The following SLC24A2 variants were observed in gnomAD, a reference collection of about 807,000 sequenced individuals.
SLC24A2 encodes the protein sodium/potassium/calcium exchanger 2.
SLC24A2 carries 36 observed loss-of-function variants against 62.0 expected under a neutral mutation model. The observed-to-expected ratio is 0.58, with a 90% CI of 0.44 to 0.77. The LOEUF (loss-of-function observed/expected upper bound fraction) is 0.77, where lower values mean the gene tolerates loss of function less well. SLC24A2 is among the 30% of genes least tolerant of loss of function. SLC24A2 has a pLI of 0.00. For missense variants in SLC24A2, 846 were observed against 817.9 expected (o/e 1.03, Z -0.42); for synonymous variants, 358 against 294.0 (o/e 1.22, Z -2.23).
At chr9:20,100,818 T>C in the SLC24A2 span, among the ~76,000 whole-genome samples, 3 of 152,170 alleles carry the variant, frequency 2.0e-5, no homozygotes, top group Non-Finnish European at 2.9e-5. Context: ...AGCTTCTGGT[T>C]TTTTGTTTTG....
the SLC24A2 span, among the ~76,000 whole-genome samples, chr9:19,922,221 T>G: frequency 1.3e-5 from 2 of 152,214 alleles, no homozygotes; most frequent in Non-Finnish European, 2.9e-5. Flanking sequence ...GCCATCTTCC[T>G]AAGTATGAAA....
the SLC24A2 span, among the ~76,000 whole-genome samples, chr9:20,266,233 G>A: frequency 1.3e-5 from 2 of 152,106 alleles, no homozygotes; most frequent in East Asian, 3.8e-4. Flanking sequence ...AAAACTTGCT[G>A]GTTTTGTGGG....
chr9:19,692,206 G>A (rs1244880808), intron 2 of SLC24A2, among the ~76,000 whole-genome samples: 1 of 152,064 alleles, frequency 6.6e-6, no homozygotes, highest in Non-Finnish European at 1.5e-5. Context: ...GGCTTATCAG[G>A]AAACCACATT....
At position 19,756,707 on chromosome 9, in the gene SLC24A2, G is replaced by T. The variant is rs553895075; in HGVS notation, c.930+29230C>A. 3.3e-5 allele frequency among the ~76,000 whole-genome samples: 5 copies of T among 152,142 alleles called. No homozygotes were observed. The South Asian group carries it at 8.3e-4, about 25-fold the overall frequency. On this transcript the variant is annotated intron_variant, in intron 2 of 10. Coordinates refer to ENST00000341998, the MANE Select transcript of SLC24A2 (RefSeq NM_020344.4). Reference sequence around the variant, plus strand: ...ATTCTGGAGCTAAAAACCAGATTTTGTCTGGCTCCATTTCAGACCAGGCTC... The same window carrying T: ...ATTCTGGAGCTAAAAACCAGATTTTTTCTGGCTCCATTTCAGACCAGGCTC...
the SLC24A2 span, among the ~76,000 whole-genome samples, chr9:20,157,738 A>G: frequency 0.01 from 1,540 of 151,686 alleles, 33 homozygotes; most frequent in African/African-American, 0.034. Context: ...GAGAAATAAA[A>G]AGGAAAAATA....
the SLC24A2 span, among the ~76,000 whole-genome samples, chr9:20,142,703 C>T: frequency 2.0e-5 from 3 of 152,208 alleles, no homozygotes; most frequent in Admixed American, 2.0e-4. Context: ...TCAAGAGATT[C>T]TCCTGCCTCA....
chr9:20,189,169 T>C, the SLC24A2 span, among the ~76,000 whole-genome samples: 1 of 151,114 alleles, frequency 6.6e-6, no homozygotes, highest in African/African-American at 2.4e-5. Flanking sequence ...AAGCAAGAAG[T>C]TGGTTCGATC....
chr9:19,950,624 T>C, the SLC24A2 span, among the ~76,000 whole-genome samples: 121 of 152,340 alleles, frequency 7.9e-4, 1 homozygote, highest in Non-Finnish European at 1.5e-3. Context: ...CATATACTTA[T>C]GTGTCAGGCA....
At chr9:19,615,731 G>A (rs191290664) in intron 4 of SLC24A2, among the ~76,000 whole-genome samples, 5 of 152,250 alleles carry the variant, frequency 3.3e-5, no homozygotes, top group African/African-American at 7.2e-5. Context: ...GGATTCAGGA[G>A]GCACATCTTG....
At chr9:19,670,470 AAATAAT>A (rs1213784609) in intron 2 of SLC24A2, among the ~76,000 whole-genome samples, 1 of 152,194 alleles carries the variant, frequency 6.6e-6, no homozygotes, top group African/African-American at 2.4e-5. Context: ...TTTGCTCCTC[AAATAAT>A]AATAACTATG....
At chr9:19,612,574 C>A (rs1252325527) in intron 4 of SLC24A2, among the ~76,000 whole-genome samples, 1 of 152,174 alleles carries the variant, frequency 6.6e-6, no homozygotes, top group African/African-American at 2.4e-5. Flanking sequence ...AGAGGATAAA[C>A]AAATCATCCA....
chr9:19,999,148 T>A, the SLC24A2 span, among the ~76,000 whole-genome samples: 2 of 152,242 alleles, frequency 1.3e-5, no homozygotes, highest in African/African-American at 4.8e-5. Flanking sequence ...AAGACCTATA[T>A]AAAGTGTTTA....
At chr9:19,678,102 T>C (rs960344793) in intron 2 of SLC24A2, among the ~76,000 whole-genome samples, 2 of 152,092 alleles carry the variant, frequency 1.3e-5, no homozygotes, top group Non-Finnish European at 1.5e-5. Context: ...CCTCATCCCA[T>C]CACTCAGGCT....
intron 8 of SLC24A2, among the ~76,000 whole-genome samples, chr9:19,547,185 G>C (rs1315237330): frequency 6.6e-6 from 1 of 152,152 alleles, no homozygotes; most frequent in African/African-American, 2.4e-5. Context: ...AAAAACCAAA[G>C]TGTTCTTCCT....
At chr9:20,021,551 G>A in the SLC24A2 span, among the ~76,000 whole-genome samples, 12 of 151,840 alleles carry the variant, frequency 7.9e-5, no homozygotes, top group African/African-American at 2.9e-4. Flanking sequence ...AGCCCATTAG[G>A]TCAAACAGAT....
rs1310375815 is a variant in SLC24A2, at chr9:19,512,398, T to A, written c.*3755A>T. The A allele has an allele frequency of 6.6e-6, 1 of 152,248 alleles. No individual in the cohort carries two copies. The highest frequency in any genetic ancestry group is 1.9e-4 in the East Asian group (1 of 5,206). 9.4% of individuals were successfully genotyped at this position (152,248 alleles called of 1,614,324 possible). ...ATCTTCTGGGCAAGGCTTTAGGACA[T>A]TCTGCTGCATCTGCCGAGGGTATAA... is the stretch of plus-strand genomic sequence containing the variant. On this transcript the variant is annotated 3_prime_UTR_variant, in exon 11 of 11. Coordinates refer to ENST00000341998, the MANE Select transcript of SLC24A2 (RefSeq NM_020344.4).
the SLC24A2 span, among the ~76,000 whole-genome samples, chr9:20,181,538 G>C: frequency 4.5e-4 from 69 of 152,146 alleles, no homozygotes; most frequent in East Asian, 0.013. Flanking sequence ...AATGGGGAAA[G>C]GATTGCCTAT....
chr9:19,644,423 G>A (rs1242339006), intron 2 of SLC24A2, among the ~76,000 whole-genome samples: 1 of 152,156 alleles, frequency 6.6e-6, no homozygotes, highest in Non-Finnish European at 1.5e-5. Flanking sequence ...AATCATTATA[G>A]TAAACCTATG....
the SLC24A2 span, among the ~76,000 whole-genome samples, chr9:19,904,444 T>C: frequency 1.3e-5 from 2 of 152,186 alleles, no homozygotes; most frequent in African/African-American, 4.8e-5. Flanking sequence ...TAAAGACATC[T>C]GAATTTTTGA....
Sources: gnomAD v4.1 joint callset for allele counts (sites outside exome capture counted in the v4.1 genomes callset) on GRCh38, gnomAD v4.1.1 for gene constraint, MANE v1.5 for transcripts, NCBI Gene and HGNC (gene_info 2026-07-23, HGNC 2026-07-21) for gene names.